Variants in ZNF512 observed in about 807,000 individuals in gnomAD.
ZNF512 encodes zinc finger protein 512.
ZNF512 carries 25 observed loss-of-function variants against 77.5 expected under a neutral mutation model. The ratio of observed to expected loss-of-function variants is 0.32; its 90% CI spans 0.23 to 0.45. The LOEUF is 0.45. ZNF512 is among the 20% of genes least tolerant of loss of function. ZNF512 has a pLI of 1.00. For synonymous variants in ZNF512, 246 were observed against 239.9 expected (o/e 1.03, Z -0.24); for missense variants, 483 against 692.6 (o/e 0.70, Z 3.40).
In ZNF512 at chr2:27,598,216, T is replaced by G; in HGVS notation, c.239T>G (p.Met80Arg). ...SFRKSTYWMK[M>R]RRIKPAATSH... The stretch of plus-strand genomic sequence containing the variant: ...CGAAAATCTACCTACTGGATGAAGA[T>G]GAGAAGAATCAAGCCAGCTGCTACT... Residue 80 changes from methionine (M) to arginine (R), a missense_variant, in exon 3 of 14, where the codon ATG (methionine) becomes AGG (arginine). Met to Arg is a moderately conservative substitution (Grantham distance 91). Transcript: ENST00000355467. 1 of 1,614,002 alleles carries G rather than the reference T, an allele frequency of 6.2e-7. No homozygotes were observed. Among genetic ancestry groups the G allele is most frequent in the Non-Finnish European group, 8.5e-7 (1 of 1,179,950 alleles).
intron 2 of ZNF512, among the ~76,000 whole-genome samples, chr2:27,596,293 A>G (rs1049191502): frequency 6.6e-6 from 1 of 152,118 alleles, no homozygotes; most frequent in Non-Finnish European, 1.5e-5. Context: ...TTGGTTTTCA[A>G]AGTCTTTGCT....
Position 27,618,879 on chromosome 2 carries a change from A to G in ZNF512, c.1395+1308A>G, listed in dbSNP as rs928765703. On this transcript the variant is annotated intron_variant, in intron 13 of 13. Coordinates refer to ENST00000355467, the MANE Select transcript of ZNF512 (RefSeq NM_032434.4). ...GCATTCTCTTGGAATATCTCACTGCAGAAACTATTGCTGCCTGATGTGGAA... is the reference window on the plus strand; with the variant it reads ...GCATTCTCTTGGAATATCTCACTGCGGAAACTATTGCTGCCTGATGTGGAA... 1.4e-4 allele frequency among the ~76,000 whole-genome samples: 21 copies of G among 152,340 alleles called. No homozygotes were observed. The East Asian group carries it at 4.0e-3, about 29-fold the overall frequency.
chr2:27,597,999 T>C (rs1671947192), intron 2 of ZNF512, 68 bp from the exon 3 acceptor site: 3 of 1,316,802 alleles, frequency 2.3e-6, no homozygotes, highest in East Asian at 4.7e-5. Context: ...TTGGTTATAA[T>C]GTAAAAGAAT....
At chr2:27,614,816 T>A (rs570749104) in intron 10 of ZNF512, among the ~76,000 whole-genome samples, 48 of 151,134 alleles carry the variant, frequency 3.2e-4, no homozygotes, top group African/African-American at 9.9e-4. Context: ...CTTTTTTTTT[T>A]AAATTTATTT....
Position 27,599,994 on chromosome 2 carries a change from A to T in ZNF512, c.398A>T (p.Gln133Leu), listed in dbSNP as rs755761342. 1 of 1,614,246 alleles carries T rather than the reference A, an allele frequency of 6.2e-7. No individual in the cohort carries two copies. Among genetic ancestry groups the T allele is most frequent in the Non-Finnish European group, 8.5e-7 (1 of 1,180,034 alleles). The change falls in exon 5 of 14, where the codon CAG (glutamine) becomes CTG (leucine). Residue 133 changes from glutamine (Q) to leucine (L), a missense_variant. Coordinates refer to ENST00000355467, the MANE Select transcript of ZNF512 (RefSeq NM_032434.4). Reference protein sequence around the residue: ...LYGRKQRPKTQPNPKSQARRI... With the variant: ...LYGRKQRPKTLPNPKSQARRI... Reference sequence around the variant, plus strand: ...GGGAGGAAGCAACGGCCTAAAACTCAGCCCAATCCCAAATCCCAGGCCCGT... The same window carrying T: ...GGGAGGAAGCAACGGCCTAAAACTCTGCCCAATCCCAAATCCCAGGCCCGT...
intron 9 of ZNF512, among the ~76,000 whole-genome samples, chr2:27,604,406 C>G (rs1044930536): frequency 4.6e-5 from 7 of 150,618 alleles, no homozygotes; most frequent in Non-Finnish European, 1.0e-4. Flanking sequence ...ACAATTTACA[C>G]ATAGTAATGT....
intron 10 of ZNF512, among the ~76,000 whole-genome samples, chr2:27,614,438 A>AT (rs1198350862): frequency 2.0e-5 from 3 of 152,238 alleles, no homozygotes; most frequent in Non-Finnish European, 4.4e-5. Flanking sequence ...TTGAACCTTA[A>AT]TTTTTTTGTT....
At chr2:27,602,374 C>A in intron 7 of ZNF512, 89 bp from the exon 8 acceptor site, 4 of 1,319,096 alleles carry the variant, frequency 3.0e-6, no homozygotes, top group Non-Finnish European at 4.1e-6. Context: ...AGCTGCCAGT[C>A]CAATCCTTGA....
chr2:27,618,891 T>A (rs1017770820), intron 13 of ZNF512, among the ~76,000 whole-genome samples: 1 of 152,164 alleles, frequency 6.6e-6, no homozygotes, highest in Non-Finnish European at 1.5e-5. Flanking sequence ...AAACTATTGC[T>A]GCCTGATGTG....
chr2:27,610,379 A>T (rs1176541270), intron 10 of ZNF512, among the ~76,000 whole-genome samples: 10 of 133,940 alleles, frequency 7.5e-5, no homozygotes, highest in Admixed American at 6.1e-4. Flanking sequence ...AAAAAAAAAT[A>T]AATAAATAAA....
chr2:27,599,944 G>A, intron 4 of ZNF512, 26 bp from the exon 5 acceptor site: 1 of 1,613,346 alleles, frequency 6.2e-7, no homozygotes, highest in African/African-American at 1.3e-5. Context: ...TGACATGCTG[G>A]GCTTCAAGTT....
intron 2 of ZNF512, among the ~76,000 whole-genome samples, chr2:27,594,943 A>G (rs1671788248): frequency 6.6e-6 from 1 of 152,218 alleles, no homozygotes; most frequent in African/African-American, 2.4e-5. Flanking sequence ...AGCCTGGTCA[A>G]CACGGCGAAA....
rs1159201065 is a variant in ZNF512, at chr2:27,610,547, T to TGTGC, written c.1131+2508_1131+2509insGTGC. On this transcript the variant is annotated intron_variant, in intron 10 of 13. Transcript: ENST00000355467. ...GTGTGTGTATATATATGTGTGTGTA[T>TGTGC]ATATATATATATATATATATATTTT... 9.4e-4 allele frequency among the ~76,000 whole-genome samples: 25 copies of TGTGC among 26,664 alleles called. 1 individual carries two copies. The highest frequency in any genetic ancestry group is 3.2e-3 in the African/African-American group (25 of 7,846). The allele number at this position is 26,664 out of a possible 152,430, so 17.5% of individuals were successfully genotyped here.
intron 8 of ZNF512, 76 bp from the exon 9 acceptor site, chr2:27,603,064 T>C: frequency 3.2e-6 from 5 of 1,554,170 alleles, no homozygotes; most frequent in Non-Finnish European, 4.4e-6. Flanking sequence ...TGGTGAATGC[T>C]TTATGGCTGT....
In ZNF512 at chr2:27,605,120, A is replaced by C. The variant is rs139190452; in HGVS notation, c.936+1813A>C. On this transcript the variant is annotated intron_variant, in intron 9 of 13. Coordinates refer to ENST00000355467, the MANE Select transcript of ZNF512 (RefSeq NM_032434.4). ...AGTTGAAGAACATTTGGTTGTTTCT[A>C]GTTTTTGATGATTACGAATAAAGCT... Among the ~76,000 whole-genome samples the C allele has an allele frequency of 3.3e-3, 506 of 152,182 alleles. 6 individuals carry two copies. The highest frequency in any genetic ancestry group is 0.012 in the African/African-American group (493 of 41,540).
At chr2:27,610,570 T>TATACA (rs1558474909) in intron 10 of ZNF512, among the ~76,000 whole-genome samples, 3 of 14,452 alleles carry the variant, frequency 2.1e-4, no homozygotes, top group Admixed American at 9.9e-4. Flanking sequence ...ATATATATAT[T>TATACA]TTTTTTTTTT....
At chr2:27,612,793 T>G (rs1326463498) in intron 10 of ZNF512, among the ~76,000 whole-genome samples, 1 of 152,248 alleles carries the variant, frequency 6.6e-6, no homozygotes, top group Non-Finnish European at 1.5e-5. Flanking sequence ...GAAAATAGTA[T>G]TTTCCAAAGT....
chr2:27,599,921 G>A, intron 4 of ZNF512, 49 bp from the exon 5 acceptor site: 1 of 1,599,156 alleles, frequency 6.3e-7, no homozygotes, highest in Non-Finnish European at 8.6e-7. Context: ...AGAGATTTTG[G>A]TATTAGCAAG....
intron 11 of ZNF512, among the ~76,000 whole-genome samples, chr2:27,616,011 G>A (rs983762747): frequency 2.0e-5 from 3 of 152,176 alleles, no homozygotes; most frequent in African/African-American, 7.2e-5. Context: ...AAGTGTCAGA[G>A]AAAGTACTGA....
Sources: gnomAD v4.1 joint callset for allele counts (sites outside exome capture counted in the v4.1 genomes callset) on GRCh38, gnomAD v4.1.1 for gene constraint, MANE v1.5 for transcripts, NCBI Gene and HGNC (gene_info 2026-07-23, HGNC 2026-07-21) for gene names.